RBFOX3: variants seen among roughly 807,000 people sequenced by gnomAD.
The protein encoded by RBFOX3 is RNA binding protein fox-1 homolog 3.
In RBFOX3, 17 loss-of-function variants were observed where a neutral mutation model predicts 48.7. That is an observed-to-expected ratio of 0.35 (90% CI 0.24 to 0.52). RBFOX3 has a LOEUF of 0.52. Among genes scored for constraint, RBFOX3 ranks in the 20% least tolerant of loss-of-function variants. The pLI, the probability that RBFOX3 is intolerant of heterozygous loss-of-function variation, is 0.94. For synonymous variants in RBFOX3, 212 were observed against 209.5 expected (o/e 1.01, Z -0.10); for missense variants, 382 against 497.5 (o/e 0.77, Z 2.21).
the RBFOX3 span, among the ~76,000 whole-genome samples, chr17:79,646,254 A>G: frequency 6.6e-6 from 1 of 152,218 alleles, no homozygotes; most frequent in East Asian, 1.9e-4. Flanking sequence ...CAAGTTTGCA[A>G]TGTCCCAGGT....
rs1033795986 is a variant in RBFOX3 at position 79,212,309 on chromosome 17, C to T, written c.-34+23457G>A. On this transcript the variant is annotated intron_variant, in intron 4 of 14. Coordinates refer to ENST00000693108, the MANE Select transcript of RBFOX3 (RefSeq NM_001350451.2). The surrounding 1 kb of genome is among the most constrained non-coding windows in gnomAD (Gnocchi z 4.7). Reference sequence around the variant, plus strand: ...GCTCCGCCTGGGCTCCTACGTGACTCCTTTCTCCTCCTCCCCTCCCCATTT... The same window carrying T: ...GCTCCGCCTGGGCTCCTACGTGACTTCTTTCTCCTCCTCCCCTCCCCATTT... Among the ~76,000 whole-genome samples, 2 of 151,704 alleles carry T rather than the reference C, an allele frequency of 1.3e-5. No individual in the cohort carries two copies. Among genetic ancestry groups the T allele is most frequent in the Non-Finnish European group, 2.9e-5 (2 of 67,816 alleles).
At chr17:79,609,067 T>C (rs2093908685) in intron 1 of RBFOX3, among the ~76,000 whole-genome samples, 1 of 152,146 alleles carries the variant, frequency 6.6e-6, no homozygotes, top group African/African-American at 2.4e-5. Flanking sequence ...CAATTTTTGC[T>C]CACCTGGAGG....
At chr17:79,237,906 T>C (rs2061827623) in intron 3 of RBFOX3, among the ~76,000 whole-genome samples, 1 of 150,558 alleles carries the variant, frequency 6.6e-6, no homozygotes, top group Non-Finnish European at 1.5e-5. Context: ...TCTGAGCGGC[T>C]TGCATCAACT....
chr17:79,337,062 G>C (rs1042566624), intron 2 of RBFOX3, among the ~76,000 whole-genome samples: 1 of 152,154 alleles, frequency 6.6e-6, no homozygotes. Flanking sequence ...AGGTTGCAGT[G>C]AGAGGAGATT....
intron 4 of RBFOX3, among the ~76,000 whole-genome samples, chr17:79,230,776 T>C (rs1234089225): frequency 6.6e-6 from 1 of 152,080 alleles, no homozygotes; most frequent in Non-Finnish European, 1.5e-5. Context: ...CTCGTCTCCT[T>C]CCACCCTGCA....
chr17:79,308,395 C>T (rs994899514), intron 2 of RBFOX3, among the ~76,000 whole-genome samples: 4 of 152,188 alleles, frequency 2.6e-5, no homozygotes, highest in Admixed American at 6.5e-5. Flanking sequence ...AGTGTCACCA[C>T]GAGCAGCTGT....
chr17:79,329,969 C>A (rs1476989370), intron 2 of RBFOX3, among the ~76,000 whole-genome samples: 1 of 152,206 alleles, frequency 6.6e-6, no homozygotes, highest in African/African-American at 2.4e-5. Context: ...CCTCTGTTCA[C>A]ACCCCTAAGT....
the RBFOX3 span, among the ~76,000 whole-genome samples, chr17:79,662,507 C>G: frequency 1.2e-4 from 19 of 152,164 alleles, no homozygotes; most frequent in African/African-American, 1.7e-4. Context: ...CTGCCATGCC[C>G]TCCTTAACGG....
chr17:79,262,450 C>T (rs771060096), intron 3 of RBFOX3, among the ~76,000 whole-genome samples: 1 of 152,272 alleles, frequency 6.6e-6, no homozygotes, highest in Non-Finnish European at 1.5e-5. Context: ...AATTCCACCT[C>T]GGTCGTTCTC....
intron 3 of RBFOX3, among the ~76,000 whole-genome samples, chr17:79,265,381 G>C (rs992574409): frequency 6.6e-6 from 1 of 152,148 alleles, no homozygotes; most frequent in African/African-American, 2.4e-5. Context: ...GGGTTTCACC[G>C]GCAGCAGCTG....
chr17:79,129,705 C>A (rs2143054481), intron 4 of RBFOX3, among the ~76,000 whole-genome samples: 1 of 152,378 alleles, frequency 6.6e-6, no homozygotes, highest in East Asian at 1.9e-4. Context: ...TAACAACTGG[C>A]TCCGTGGGGA....
intron 2 of RBFOX3, among the ~76,000 whole-genome samples, chr17:79,406,133 A>G (rs1264678089): frequency 6.6e-6 from 1 of 152,220 alleles, no homozygotes; most frequent in Non-Finnish European, 1.5e-5. Context: ...TCTTGTGAAC[A>G]GAGCTGTTGG....
chr17:79,109,845 G>A (rs1262727185), intron 5 of RBFOX3, among the ~76,000 whole-genome samples: 7 of 152,232 alleles, frequency 4.6e-5, no homozygotes, highest in Non-Finnish European at 1.0e-4. Context: ...AAGGGGAGCA[G>A]CCGAGGATGA....
intron 4 of RBFOX3, among the ~76,000 whole-genome samples, chr17:79,224,900 A>C (rs1291841758): frequency 4.6e-5 from 7 of 152,340 alleles, no homozygotes; most frequent in African/African-American, 1.4e-4. Context: ...GGTGCTAGCC[A>C]GCTAACCAGG....
chr17:79,656,082 A>C, the RBFOX3 span, among the ~76,000 whole-genome samples: 1 of 151,952 alleles, frequency 6.6e-6, no homozygotes, highest in South Asian at 2.1e-4. Flanking sequence ...TTCTGAGATC[A>C]CTCTCAAGCA....
chr17:79,566,655 G>T, intron 1 of RBFOX3, among the ~76,000 whole-genome samples: 1 of 152,232 alleles, frequency 6.6e-6, no homozygotes, highest in East Asian at 1.9e-4. Context: ...GGCCACTCCA[G>T]CCAAGATGCT....
At chr17:79,655,174 G>A in the RBFOX3 span, among the ~76,000 whole-genome samples, 1 of 152,276 alleles carries the variant, frequency 6.6e-6, no homozygotes, top group East Asian at 1.9e-4. Flanking sequence ...GGTCCCTGGG[G>A]CCACAGGAAA....
At chr17:79,109,858 C>T (rs2030166915) in intron 5 of RBFOX3, among the ~76,000 whole-genome samples, 5 of 152,034 alleles carry the variant, frequency 3.3e-5, no homozygotes, top group South Asian at 2.1e-4. Context: ...GAGGATGAGG[C>T]GGGAGGAAGG....
At chr17:79,650,978 G>A in the RBFOX3 span, among the ~76,000 whole-genome samples, 31 of 152,294 alleles carry the variant, frequency 2.0e-4, no homozygotes, top group African/African-American at 3.8e-4. Flanking sequence ...CCCGGGACTC[G>A]CCTGAGGTGG....
Sources: allele counts gnomAD v4.1 joint callset (sites outside exome capture counted in the v4.1 genomes callset), GRCh38; gene constraint gnomAD v4.1.1; non-coding constraint Gnocchi (gnomAD v3.1); transcripts MANE v1.5; gene names NCBI Gene and HGNC (gene_info 2026-07-23, HGNC 2026-07-21).